The following MYO19 variants were observed in gnomAD, a reference collection of about 807,000 sequenced individuals.
The protein encoded by MYO19 is myosin XIX, also known as unconventional myosin-XIX.
In MYO19, 132 loss-of-function variants were observed where a neutral mutation model predicts 129.2. That is an observed-to-expected ratio of 1.02 (90% confidence interval 0.89 to 1.18). The LOEUF (loss-of-function observed/expected upper bound fraction) is 1.18, where lower values mean the gene tolerates loss of function less well. MYO19 is among the 50% of genes most tolerant of loss of function. The pLI is 0.00. For synonymous variants in MYO19, 531 were observed against 477.2 expected, an observed-to-expected ratio of 1.11 and a Z score of -1.47; for missense variants, 1,210 against 1,216.7, an observed-to-expected ratio of 0.99 and a Z score of 0.08.
At chr17:36,522,268 G>T (rs1461769779) in intron 6 of MYO19, among the ~76,000 whole-genome samples, 1 of 152,050 alleles carries the variant, frequency 6.6e-6, no homozygotes, top group African/African-American at 2.4e-5. Flanking sequence ...CCAGCACTTT[G>T]GGAGGCCGAG....
Position 36,503,980 on chromosome 17 carries a change from A to G in MYO19, c.1946T>C (p.Ile649Thr). ...QLEACGLVET[I>T]HISAAGFPIR... ...GGGGAAGCCAGCAGCACTGATATGG[A>G]TGGTCTCCACGAGGCCACAGGCCTC... Residue 649 changes from isoleucine to threonine, a missense_variant, in exon 20 of 26, where the codon ATC becomes ACC. Ile to Thr is a moderately conservative substitution (Grantham distance 89). Coordinates refer to ENST00000614623, the MANE Select transcript of MYO19 (RefSeq NM_001163735.2). The G allele has an allele frequency of 6.3e-7, 1 of 1,591,534 alleles. No individual in the cohort carries two copies. Among genetic ancestry groups the G allele is most frequent in the Non-Finnish European group, 8.5e-7 (1 of 1,170,424 alleles).
chr17:36,517,465 G>A (rs1438037541), intron 6 of MYO19, among the ~76,000 whole-genome samples: 1 of 152,058 alleles, frequency 6.6e-6, no homozygotes, highest in African/African-American at 2.4e-5. Flanking sequence ...TCACCATGTT[G>A]GTCAGGCTGG....
At chr17:36,529,720 C>G (rs2073713467) in intron 3 of MYO19, among the ~76,000 whole-genome samples, 1 of 152,030 alleles carries the variant, frequency 6.6e-6, no homozygotes, top group Non-Finnish European at 1.5e-5. Flanking sequence ...AAAAAAAAAC[C>G]ACCACTACAC....
intron 2 of MYO19, among the ~76,000 whole-genome samples, chr17:36,540,636 G>A (rs1306149788): frequency 6.6e-6 from 1 of 152,178 alleles, no homozygotes; most frequent in Non-Finnish European, 1.5e-5. Context: ...CTCCCAAAGT[G>A]CTGGGATATA....
chr17:36,496,405 C>T lies in MYO19; in HGVS notation c.2759G>A (p.Gly920Glu). Reference sequence around the variant, plus strand: ...CTTTCTGCAGTGAAACTTTATCGATCCCTAGAGGGGAGAGAGAGATGCAGC... The same window carrying T: ...CTTTCTGCAGTGAAACTTTATCGATTCCTAGAGGGGAGAGAGAGATGCAGC... ...GVTSIRALPQ[G>E]SIKFHCRKSP... Residue 920 changes from glycine (G) to glutamate (E), a missense_variant and splice_region_variant, in exon 26 of 26, where the codon GGA (glycine) becomes GAA (glutamate). Transcript: ENST00000614623. The T allele has an allele frequency of 6.2e-7, 1 of 1,613,858 alleles. No individual in the cohort carries two copies. Among genetic ancestry groups the T allele is most frequent in the Non-Finnish European group, 8.5e-7 (1 of 1,179,830 alleles).
chr17:36,506,232 C>T (rs2071874118), intron 18 of MYO19, among the ~76,000 whole-genome samples: 2 of 152,096 alleles, frequency 1.3e-5, no homozygotes, highest in African/African-American at 4.8e-5. Flanking sequence ...CTGCATAGTG[C>T]CCCCATAGGC....
At chr17:36,537,659 G>A (rs2074161105), upstream of MYO19, 13 of 1,614,010 alleles carry the variant, frequency 8.1e-6, no homozygotes, top group Non-Finnish European at 1.1e-5. Context: ...TAGAGGTCAG[G>A]AGGAGAAAAT....
chr17:36,499,883 G>C (rs1389693278), intron 23 of MYO19: 2 of 145,356 alleles, frequency 1.4e-5, no homozygotes, highest in Non-Finnish European at 3.0e-5. Flanking sequence ...TTTTGAGACA[G>C]AGTCTTGCTC....
chr17:36,512,414 A>G (rs1270785470), intron 11 of MYO19, among the ~76,000 whole-genome samples: 2 of 151,176 alleles, frequency 1.3e-5, no homozygotes, highest in East Asian at 1.9e-4. Context: ...AAAAGAAAAA[A>G]CCACCACCCT....
intron 7 of MYO19, among the ~76,000 whole-genome samples, chr17:36,515,465 G>A (rs991820685): frequency 3.9e-5 from 6 of 152,204 alleles, no homozygotes; most frequent in African/African-American, 1.4e-4. Flanking sequence ...ACAATCAGCT[G>A]TCACTACTGA....
chr17:36,540,372 CTTT>C (rs532388058), intron 2 of MYO19, among the ~76,000 whole-genome samples: 8 of 138,690 alleles, frequency 5.8e-5, no homozygotes, highest in Admixed American at 1.4e-4. Flanking sequence ...ATTCTACTGT[CTTT>C]TTTTTTTTTT....
Position 36,496,413 on chromosome 17 carries a change from G to T in MYO19, c.2758-7C>A. On this transcript the variant is annotated splice_polypyrimidine_tract_variant and splice_region_variant and intron_variant, in intron 25 of 25. Transcript: ENST00000614623. ...AGTGAAACTTTATCGATCCCTAGAGGGGAGAGAGAGATGCAGCTTTAGCAC... is the reference window on the plus strand; with the variant it reads ...AGTGAAACTTTATCGATCCCTAGAGTGGAGAGAGAGATGCAGCTTTAGCAC... The T allele has an allele frequency of 6.2e-7, 1 of 1,613,786 alleles. No individual in the cohort carries two copies. The highest frequency in any genetic ancestry group is 8.5e-7 in the Non-Finnish European group (1 of 1,179,746).
chr17:36,507,098 CTG>C lies in MYO19; in HGVS notation c.1507_1508del (p.Gln503AspfsTer4), dbSNP rs1206345794. On this transcript the variant is annotated frameshift_variant, in exon 17 of 26. Coordinates refer to ENST00000614623, the MANE Select transcript of MYO19 (RefSeq NM_001163735.2). LOFTEE classifies it high-confidence loss of function. ...CTGCCAGGGCAGTCTCAATGCGTGT[CTG>C]GAGCTGGGCTGCGCTGCTGGGTCGA... ...LNRPSSAAQL[Q>X]TRIETALAGS... 1.2e-6 allele frequency: 2 copies of C among 1,612,472 alleles called. No homozygotes were observed. The highest frequency in any genetic ancestry group is 1.7e-6 in the Non-Finnish European group (2 of 1,178,872).
Position 36,527,632 on chromosome 17 carries a change from T to C in MYO19, c.219A>G (p.Val73=), listed in dbSNP as rs1468414269. Residue 73 remains valine (V), a synonymous_variant, in exon 5 of 26, where the codon GTA becomes GTG. Transcript: ENST00000614623. ...TFYTNAGCTL[V]ALNPFKPVPQ... ...GAACAGGCTTGAAGGGGTTCAAGGC[T>C]ACCAGGGTGCAGCCAGCATTGGTGT... 1 of 1,613,982 alleles carries C rather than the reference T, an allele frequency of 6.2e-7. No homozygotes were observed. Among genetic ancestry groups the C allele is most frequent in the African/African-American group, 1.3e-5 (1 of 75,042 alleles).
intron 17 of MYO19, 82 bp downstream of exon 17, chr17:36,506,881 G>A (rs536816078): frequency 7.8e-6 from 11 of 1,414,864 alleles, no homozygotes; most frequent in East Asian, 2.6e-5. Flanking sequence ...AAGGACTCAC[G>A]ATGGGAAACT....
rs556258096 is a variant in MYO19 at position 36,512,742 on chromosome 17, C to T, written c.894+687G>A. 5.8e-4 allele frequency: 745 copies of T among 1,289,090 alleles called. 2 individuals are homozygous for T. The highest frequency in any genetic ancestry group is 6.6e-4 in the Non-Finnish European group (651 of 988,670). The allele number at this position is 1,289,090 out of a possible 1,614,324, so 79.9% of individuals were successfully genotyped here. On this transcript the variant is annotated intron_variant, in intron 11 of 25. Transcript: ENST00000614623. ...CCTCCCTGAAGTGGCCTCCCTTTCT[C>T]GACTGCCAGGCCATCCTATCTATCC... is the stretch of plus-strand genomic sequence containing the variant.
At chr17:36,521,361 G>A (rs1193008750) in intron 6 of MYO19, among the ~76,000 whole-genome samples, 7 of 152,142 alleles carry the variant, frequency 4.6e-5, no homozygotes, top group Non-Finnish European at 8.8e-5. Context: ...AAACTAGAAT[G>A]TAGAATTAAA....
chr17:36,523,710 A>G (rs1296715986), intron 6 of MYO19, among the ~76,000 whole-genome samples: 4 of 152,232 alleles, frequency 2.6e-5, no homozygotes, highest in Middle Eastern at 3.2e-3. Context: ...AAATAATTAT[A>G]TACAGAATAT....
intron 18 of MYO19, 110 bp downstream of exon 18, chr17:36,506,346 A>T: frequency 7.3e-7 from 1 of 1,371,046 alleles, no homozygotes; most frequent in Non-Finnish European, 1.0e-6. Context: ...CATCTACTTG[A>T]CTTGCCACTG....
Sources: gnomAD v4.1 joint callset for allele counts (sites outside exome capture counted in the v4.1 genomes callset) on GRCh38, gnomAD v4.1.1 for gene constraint, MANE v1.5 for transcripts, NCBI Gene and HGNC (gene_info 2026-07-23, HGNC 2026-07-21) for gene names.